Variants in SSC5D observed in about 807,000 individuals in gnomAD.
The protein encoded by SSC5D is soluble scavenger receptor cysteine-rich domain-containing protein SSC5D.
SSC5D carries 106 observed loss-of-function variants against 104.6 expected under a neutral mutation model. The ratio of observed to expected loss-of-function variants is 1.01; its 90% CI spans 0.87 to 1.19. The LOEUF is 1.19. Among genes scored for constraint, SSC5D ranks in the 50% most tolerant of loss-of-function variants. The probability of loss-of-function intolerance (pLI) is 0.00; values close to 1 mark genes in which losing one functional copy is unlikely to be tolerated. For synonymous variants in SSC5D, 860 were observed against 883.5 expected (o/e 0.97, Z 0.47); for missense variants, 1,993 against 2,153.8 (o/e 0.93, Z 1.48).
chr19:55,514,326 A>G (rs1987819593), intron 13 of SSC5D, among the ~76,000 whole-genome samples: 1 of 151,530 alleles, frequency 6.6e-6, no homozygotes, highest in African/African-American at 2.4e-5. Flanking sequence ...AATGGCGTGA[A>G]CCCAGGAGGC....
chr19:55,489,061 C>A, intron 2 of SSC5D, 29 bp downstream of exon 2: 6 of 911,672 alleles, frequency 6.6e-6, no homozygotes, highest in Middle Eastern at 3.4e-4. Flanking sequence ...CCCATCTGCC[C>A]GCCCCCCCCC....
chr19:55,502,334 GCTCT>G (rs374950623), intron 12 of SSC5D, among the ~76,000 whole-genome samples: 19 of 151,086 alleles, frequency 1.3e-4, no homozygotes, highest in East Asian at 7.8e-4. Context: ...AATTTCTTTT[GCTCT>G]CTCTCACCAT....
intron 1 of SSC5D, 111 bp downstream of exon 1, chr19:55,488,725 T>C: frequency 1.0e-6 from 1 of 959,522 alleles, no homozygotes; most frequent in Non-Finnish European, 1.6e-6. Flanking sequence ...CTGGTGCTCC[T>C]GCATACCCTG....
rs1555765051 is a variant in SSC5D at position 55,495,233 on chromosome 19, A to ATATATATATTT, written c.1387+451_1387+452insATATATATTTT. On this transcript the variant is annotated intron_variant, in intron 8 of 13. Coordinates refer to ENST00000389623, the MANE Select transcript of SSC5D (RefSeq NM_001144950.2). ...CCTCCTTTCATATATATATATATAT[A>ATATATATATTT]TTTTTTTTTTTTTTTTTTTTTTTTT... Among the ~76,000 whole-genome samples, 14 of 50,664 alleles carry ATATATATATTT rather than the reference A, an allele frequency of 2.8e-4. 2 individuals carry two copies. The highest frequency in any genetic ancestry group is 9.8e-4 in the African/African-American group (10 of 10,228). 33.2% of individuals were successfully genotyped at this position (50,664 alleles called of 152,430 possible).
chr19:55,514,316 A>C (rs2123458216), intron 13 of SSC5D, among the ~76,000 whole-genome samples: 1 of 151,794 alleles, frequency 6.6e-6, no homozygotes, highest in Non-Finnish European at 1.5e-5. Flanking sequence ...GAGGCAGGAG[A>C]ATGGCGTGAA....
chr19:55,503,967 CAGTAATAAT>C lies in SSC5D; in HGVS notation c.2785+2769_2785+2777del, dbSNP rs1987578463. On this transcript the variant is annotated intron_variant, in intron 12 of 13. Coordinates refer to ENST00000389623, the MANE Select transcript of SSC5D (RefSeq NM_001144950.2). The surrounding 1 kb of genome is among the most constrained non-coding windows in gnomAD (Gnocchi z 4.0). ...GATTGGCCAGCCGGCGCATCGCCCG[CAGTAATAAT>C]AGCTGGGCGAAGGGCAACCAGGCCC... 1.4e-6 allele frequency: 1 copy of C among 727,672 alleles called. No individual in the cohort carries two copies. The highest frequency in any genetic ancestry group is 2.1e-6 in the Non-Finnish European group (1 of 470,050). The allele number at this position is 727,672 out of a possible 1,614,324, so 45.1% of individuals were successfully genotyped here. A position where few individuals can be genotyped will look rare whatever the true frequency, so the allele number is the denominator to read the frequency against.
rs749817093 is a variant in SSC5D at position 55,518,873 on chromosome 19, C to A, written c.4597C>A (p.Arg1533=). 5.1e-5 allele frequency: 79 copies of A among 1,550,076 alleles called. No homozygotes were observed. Among genetic ancestry groups the A allele is most frequent in the Non-Finnish European group, 1.7e-5 (20 of 1,146,962 alleles). ...LGLTQLVEAA[R]GLGQLGEAVK... ...GCTGACGCAGCTGGTAGAAGCTGCC[C>A]GGGGTCTGGGGCAGCTGGGTGAGGC... Residue 1533 remains arginine, a synonymous_variant, in exon 14 of 14, where the codon CGG becomes AGG. Transcript: ENST00000389623.
At position 55,500,175 on chromosome 19, in the gene SSC5D, C is replaced by T. The variant is rs1987442590; in HGVS notation, c.2065C>T (p.Pro689Ser). The T allele has an allele frequency of 6.4e-7, 1 of 1,551,342 alleles. No homozygotes were observed. Among genetic ancestry groups the T allele is most frequent in the Non-Finnish European group, 8.7e-7 (1 of 1,146,926 alleles). Residue 689 changes from proline (P) to serine (S), a missense_variant, in exon 10 of 14, where the codon CCC (proline) becomes TCC (serine). Around this residue, in one of 6 missense-constraint regions of SSC5D, gnomAD observed 1,101 missense variants for 1,085.0 expected, o/e 1.01. Transcript: ENST00000389623. The surrounding 1 kb of genome is among the most constrained non-coding windows in gnomAD (Gnocchi z 4.6). Reference sequence around the variant, plus strand: ...TACCAGAAGGCCGACCACGGAGGCCCCCCAGAGATGGACCTCTCACACCAC... The same window carrying T: ...TACCAGAAGGCCGACCACGGAGGCCTCCCAGAGATGGACCTCTCACACCAC... Reference protein sequence around the residue: ...EFTRRPTTEAPQRWTSHTTAT... With the variant: ...EFTRRPTTEASQRWTSHTTAT...
At chr19:55,494,495 A>C in intron 7 of SSC5D, 115 bp from the exon 8 acceptor site, 12 of 1,196,510 alleles carry the variant, frequency 1.0e-5, no homozygotes, top group South Asian at 1.6e-5. Flanking sequence ...TTCGGCAGGA[A>C]GAGATCTCTG....
Position 55,500,834 on chromosome 19 carries a change from T to C in SSC5D, c.2617+30T>C, listed in dbSNP as rs1030375762. ...CAGGGCATGGCGGCGGTGGTGGGGTTGTCGGGGGTGGCCAGGAGAATGGAG... is the reference window on the plus strand; with the variant it reads ...CAGGGCATGGCGGCGGTGGTGGGGTCGTCGGGGGTGGCCAGGAGAATGGAG... On this transcript the variant is annotated intron_variant, in intron 11 of 13. Coordinates refer to ENST00000389623, the MANE Select transcript of SSC5D (RefSeq NM_001144950.2). The surrounding 1 kb of genome is among the most constrained non-coding windows in gnomAD (Gnocchi z 4.6). 2 of 1,528,796 alleles carry C rather than the reference T, an allele frequency of 1.3e-6. No homozygotes were observed. The allele number at this position is 1,528,796 out of a possible 1,614,324, so 94.7% of individuals were successfully genotyped here. A position where few individuals can be genotyped will look rare whatever the true frequency, so the allele number is the denominator to read the frequency against.
chr19:55,493,321 G>A (rs1203333458), intron 6 of SSC5D, among the ~76,000 whole-genome samples: 3 of 152,150 alleles, frequency 2.0e-5, no homozygotes, highest in Non-Finnish European at 2.9e-5. Flanking sequence ...AGGATCCGAG[G>A]GGCCAGGCAT....
rs907494059 is a variant in SSC5D, at chr19:55,494,771, G to C, written c.1375G>C (p.Gly459Arg). ...CTCCCCTACTGTCCTTTGGGAGCCT[G>C]GACCGGAAGCCGGTGAGTCCCTCCA... ...PASPTVLWEP[G>R]PEAGSPQLRL... is the part of the protein sequence containing the mutation. Residue 459 changes from glycine to arginine, a missense_variant, in exon 8 of 14, where the codon GGA becomes CGA. Gly to Arg is a moderately radical substitution (Grantham distance 125, BLOSUM62 -2). Transcript: ENST00000389623. The C allele has an allele frequency of 1.3e-6, 2 of 1,542,638 alleles. No individual in the cohort carries two copies. Among genetic ancestry groups the C allele is most frequent in the Middle Eastern group, 1.7e-4 (1 of 5,948 alleles).
In SSC5D at chr19:55,518,735, C is replaced by T. The variant is rs1283612414; in HGVS notation, c.4459C>T (p.Pro1487Ser). 2.6e-6 allele frequency: 4 copies of T among 1,550,658 alleles called. No homozygotes were observed. The highest frequency in any genetic ancestry group is 2.7e-5 in the African/African-American group (2 of 73,040). The change falls in exon 14 of 14, where the codon CCA (proline) becomes TCA (serine). Residue 1487 changes from proline (P) to serine (S), a missense_variant. Around this residue, in one of 6 missense-constraint regions of SSC5D, gnomAD observed 349 missense variants for 397.6 expected, o/e 0.88. Transcript: ENST00000389623. ...TPPVRVMACEPPALVELVAAV... is the reference protein window; with the variant it reads ...TPPVRVMACESPALVELVAAV... ...ACCTGTAAGGGTCATGGCTTGTGAG[C>T]CACCTGCCCTGGTGGAGCTGGTGGC... is the stretch of plus-strand genomic sequence containing the variant.
chr19:55,489,059 CCCG>C, intron 2 of SSC5D, 27 bp downstream of exon 2: 3 of 654,954 alleles, frequency 4.6e-6, no homozygotes, highest in East Asian at 5.8e-5. Flanking sequence ...CTCCCATCTG[CCCG>C]CCCCCCCCCC....
At chr19:55,499,631 C>G (rs1253913185) in intron 9 of SSC5D, among the ~76,000 whole-genome samples, 185 bp from the exon 10 acceptor site, 1 of 152,154 alleles carries the variant, frequency 6.6e-6, no homozygotes, top group Admixed American at 6.5e-5. Flanking sequence ...TTGCCATAGG[C>G]TACCCGAGGG....
Position 55,490,905 on chromosome 19 carries a change from CTG to C in SSC5D, c.723_724del (p.Cys241TrpfsTer47). On this transcript the variant is annotated frameshift_variant, in exon 6 of 14. Coordinates refer to ENST00000389623, the MANE Select transcript of SSC5D (RefSeq NM_001144950.2). LOFTEE classifies it high-confidence loss of function. ...CTGCTGTAGCCTGCCGGGAACTGGG[CTG>C]TGGGGGGGCGCTGGCTGCCCCCGGC... ...DAAVACRELG[C>X]GGALAAPGGA... 8.4e-6 allele frequency: 13 copies of C among 1,545,278 alleles called. No homozygotes were observed. Among genetic ancestry groups the C allele is most frequent in the African/African-American group, 1.4e-5 (1 of 73,046 alleles).
chr19:55,517,716 C>G lies in SSC5D; in HGVS notation c.3440C>G (p.Pro1147Arg). 6.4e-7 allele frequency: 1 copy of G among 1,551,072 alleles called. No individual in the cohort carries two copies. Among genetic ancestry groups the G allele is most frequent in the South Asian group, 1.2e-5 (1 of 84,028 alleles). Residue 1147 changes from proline (P) to arginine (R), a missense_variant, in exon 14 of 14, where the codon CCA (proline) becomes CGA (arginine). Physicochemically the swap from Pro to Arg is moderately radical, Grantham distance 103. Around this residue, in one of 6 missense-constraint regions of SSC5D, gnomAD observed 423 missense variants for 409.2 expected, o/e 1.03. Transcript: ENST00000389623. ...TATTCTAGATCCCCAGACCCCTCCC[C>G]AAGCCCTCACCCCACTACTACCCCT... is the stretch of plus-strand genomic sequence containing the variant. ...SEYSRSPDPS[P>R]SPHPTTTPDP...
At chr19:55,493,076 C>T (rs944034086) in intron 6 of SSC5D, among the ~76,000 whole-genome samples, 9 of 152,200 alleles carry the variant, frequency 5.9e-5, no homozygotes, top group Non-Finnish European at 1.2e-4. Context: ...CTAAGGCCAG[C>T]GAGAGGTTAA....
At position 55,499,483 on chromosome 19, in the gene SSC5D, G is replaced by C. The variant is rs370710930; in HGVS notation, c.1706-333G>C. 2.4e-4 allele frequency among the ~76,000 whole-genome samples: 37 copies of C among 152,280 alleles called. No homozygotes were observed. The South Asian group carries it at 7.7e-3, about 32-fold the overall frequency. ...GACAGGGAGGTAGGGAGACCTGTCA[G>C]AAGGTATAGGAAATGAGGCCCTGAC... is the stretch of plus-strand genomic sequence containing the variant. On this transcript the variant is annotated intron_variant, in intron 9 of 13. Transcript: ENST00000389623.
Sources: gnomAD v4.1 joint callset for allele counts (sites outside exome capture counted in the v4.1 genomes callset) on GRCh38, gnomAD v4.1.1 for gene constraint, gnomAD v4.1.1 regional missense constraint, Gnocchi (gnomAD v3.1) non-coding constraint, MANE v1.5 for transcripts, NCBI Gene and HGNC (gene_info 2026-07-23, HGNC 2026-07-21) for gene names.